Variants in RAI2 observed in about 807,000 individuals in gnomAD.
The protein encoded by RAI2 is retinoic acid induced 2.
Under a neutral mutation model 15.3 loss-of-function variants are expected in RAI2, and 5 were observed. The ratio of observed to expected loss-of-function variants is 0.33; its 90% CI spans 0.17 to 0.69. The LOEUF is 0.69. RAI2 is among the 30% of genes least tolerant of loss of function. The pLI is 0.69. For missense variants in RAI2, 424 were observed against 424.7 expected, an observed-to-expected ratio of 1.00 and a Z score of 0.01; for synonymous variants, 191 against 184.0, an observed-to-expected ratio of 1.04 and a Z score of -0.31.
intron 1 of RAI2, among the ~76,000 whole-genome samples, chrX:17,849,107 G>A (rs2067497554): frequency 8.9e-6 from 1 of 112,345 alleles, no homozygotes; most frequent in Admixed American, 9.4e-5. Context: ...AGGTACAGAG[G>A]CAATTCTAAT....
intron 1 of RAI2, among the ~76,000 whole-genome samples, chrX:17,826,805 A>G (rs1327922389): frequency 1.8e-5 from 2 of 110,938 alleles, no homozygotes; most frequent in Non-Finnish European, 3.8e-5. Flanking sequence ...TTCCCCCCTC[A>G]TGCTCTCTCT....
chrX:17,817,651 G>A (rs1281385453), intron 1 of RAI2, among the ~76,000 whole-genome samples: 2 of 112,440 alleles, frequency 1.8e-5, no homozygotes, highest in Non-Finnish European at 3.8e-5. Flanking sequence ...GGAGGGAGAA[G>A]CAGCAGGTCC....
At chrX:17,822,900 C>G (rs1442201781) in intron 1 of RAI2, among the ~76,000 whole-genome samples, 1 of 112,727 alleles carries the variant, frequency 8.9e-6, no homozygotes, top group Non-Finnish European at 1.9e-5. Flanking sequence ...CCTAAGCTCT[C>G]TGTCCTAAGC....
At chrX:17,860,845 G>A (rs2067679840) in intron 1 of RAI2, 1 of 105,145 alleles carries the variant, frequency 9.5e-6, no homozygotes, top group African/African-American at 3.4e-5. Flanking sequence ...GCCAGTGCGC[G>A]GCGCCGGGAA....
At chrX:17,809,581 TTATA>T (rs1402405110) in intron 1 of RAI2, among the ~76,000 whole-genome samples, 1 of 111,731 alleles carries the variant, frequency 9.0e-6, no homozygotes, top group South Asian at 3.7e-4. Flanking sequence ...ATAAATCTAA[TTATA>T]TATGTGTGTG....
intron 1 of RAI2, among the ~76,000 whole-genome samples, chrX:17,848,072 G>C (rs1023945469): frequency 8.9e-6 from 1 of 111,859 alleles, no homozygotes; most frequent in Admixed American, 9.5e-5. Context: ...CTTACTTTTG[G>C]AAACAGACAA....
At chrX:17,817,263 C>T (rs2067118844) in intron 1 of RAI2, among the ~76,000 whole-genome samples, 1 of 110,956 alleles carries the variant, frequency 9.0e-6, no homozygotes, top group African/African-American at 3.3e-5. Context: ...TTTACTTCCA[C>T]CAAGCTCAGA....
chrX:17,807,897 C>G (rs754637771), intron 1 of RAI2, among the ~76,000 whole-genome samples: 2 of 112,129 alleles, frequency 1.8e-5, no homozygotes, highest in Admixed American at 1.9e-4. Context: ...TATGGGTTTT[C>G]CAATTGTAAA....
At position 17,857,062 on chromosome X, in the gene RAI2, G is replaced by A. The variant is rs113132051; in HGVS notation, c.-25+4036C>T. ...GGAAAGAATGAGATGATGGGCACCC[G>A]GGCAGACGATCAGGTGGGAGGGAGA... is the stretch of plus-strand genomic sequence containing the variant. On this transcript the variant is annotated intron_variant, in intron 1 of 1. Coordinates refer to ENST00000451717, the MANE Select transcript of RAI2 (RefSeq NM_021785.6). 4.9e-3 allele frequency among the ~76,000 whole-genome samples: 546 copies of A among 111,788 alleles called. 4 individuals carry two copies. The highest frequency in any genetic ancestry group is 0.017 in the African/African-American group (514 of 30,758).
intron 1 of RAI2, 118 bp downstream of exon 1, chrX:17,860,980 C>T (rs1203470051): frequency 9.5e-6 from 1 of 105,028 alleles, no homozygotes; most frequent in Admixed American, 9.7e-5. Flanking sequence ...GGCCCCTCCC[C>T]GGGCGCCGGG....
chrX:17,850,387 C>T (rs781253688), intron 1 of RAI2, among the ~76,000 whole-genome samples: 2 of 112,331 alleles, frequency 1.8e-5, no homozygotes, highest in South Asian at 3.7e-4. Flanking sequence ...GTCAAGCCCA[C>T]GAGAACCGGC....
At chrX:17,825,350 T>C (rs1431151220) in intron 1 of RAI2, among the ~76,000 whole-genome samples, 1 of 112,851 alleles carries the variant, frequency 8.9e-6, no homozygotes, top group African/African-American at 3.2e-5. Context: ...CTGAGGGATT[T>C]TCTGCCATTC....
At chrX:17,860,964 G>C (rs966551318) in intron 1 of RAI2, 134 bp downstream of exon 1, 3 of 104,929 alleles carry the variant, frequency 2.9e-5, no homozygotes, top group Non-Finnish European at 6.0e-5. Flanking sequence ...CCTGCCCCCG[G>C]GAGCAGGCCC....
chrX:17,802,788 G>A (rs983028581), intron 1 of RAI2, among the ~76,000 whole-genome samples: 1 of 111,689 alleles, frequency 9.0e-6, no homozygotes, highest in African/African-American at 3.3e-5. Context: ...TAGGGCTGGG[G>A]AGATGGAACA....
intron 1 of RAI2, among the ~76,000 whole-genome samples, chrX:17,823,700 CA>C (rs1323201085): frequency 3.6e-5 from 4 of 111,874 alleles, no homozygotes; most frequent in African/African-American, 1.3e-4. Context: ...ACAGCCATAC[CA>C]CCCTGAACCC....
At chrX:17,833,394 C>T (rs937016012) in intron 1 of RAI2, among the ~76,000 whole-genome samples, 1 of 111,062 alleles carries the variant, frequency 9.0e-6, no homozygotes, top group Non-Finnish European at 1.9e-5. Flanking sequence ...TGGTGGTGTG[C>T]GCCTGTAATC....
intron 1 of RAI2, among the ~76,000 whole-genome samples, chrX:17,841,803 G>T (rs949588711): frequency 8.9e-6 from 1 of 112,061 alleles, no homozygotes; most frequent in African/African-American, 3.2e-5. Flanking sequence ...GGCAGTAGAA[G>T]AAGCACAAGA....
intron 1 of RAI2, among the ~76,000 whole-genome samples, chrX:17,818,606 C>T (rs1248659766): frequency 3.6e-5 from 4 of 111,817 alleles, no homozygotes; most frequent in Non-Finnish European, 7.5e-5. Context: ...TCAAGATATA[C>T]GGATTGGCTG....
chrX:17,828,084 T>C (rs141560458), intron 1 of RAI2, among the ~76,000 whole-genome samples: 359 of 111,234 alleles, frequency 3.2e-3, no homozygotes, highest in Middle Eastern at 4.6e-3. Context: ...AGGTCATGGA[T>C]GCTGCTAAAC....
Sources: allele counts gnomAD v4.1 joint callset (sites outside exome capture counted in the v4.1 genomes callset), GRCh38; gene constraint gnomAD v4.1.1; transcripts MANE v1.5; gene names NCBI Gene and HGNC (gene_info 2026-07-23, HGNC 2026-07-21).